DNA2: variants seen among roughly 807,000 people sequenced by gnomAD.
DNA2 encodes DNA replication ATP-dependent helicase/nuclease DNA2.
Under a neutral mutation model 119.1 loss-of-function variants are expected in DNA2, and 101 were observed. That is an observed-to-expected ratio of 0.85 (90% confidence interval 0.72 to 1.00). The LOEUF is 1.00. Ranked by LOEUF, DNA2 falls within the 50% of genes least tolerant of loss-of-function variation. DNA2 has a pLI of 0.00. For missense variants in DNA2, 1,121 were observed against 1,255.5 expected, an observed-to-expected ratio of 0.89 and a Z score of 1.62; for synonymous variants, 366 against 424.4, an observed-to-expected ratio of 0.86 and a Z score of 1.69.
intron 5 of DNA2, among the ~76,000 whole-genome samples, chr10:68,458,533 CAAAAAAGAAAAAAAA>C (rs1333852966): frequency 7.3e-6 from 1 of 137,312 alleles, no homozygotes; most frequent in Non-Finnish European, 1.6e-5. Flanking sequence ...GACTCTGTAT[CAAAAAAGAAAAAAAA>C]AAAAAAGAAG....
intron 18 of DNA2, 141 bp from the exon 19 acceptor site, chr10:68,419,354 A>G (rs2051636018): frequency 3.0e-6 from 2 of 657,762 alleles, no homozygotes; most frequent in South Asian, 4.7e-5. Context: ...GAATACAATT[A>G]CTGAATTTGC....
At chr10:68,447,112 C>A (rs2052050013) in intron 6 of DNA2, among the ~76,000 whole-genome samples, 1 of 151,922 alleles carries the variant, frequency 6.6e-6, no homozygotes, top group South Asian at 2.1e-4. Context: ...CTCATGTAAT[C>A]CATGAACGTA....
chr10:68,465,551 T>A (rs2052317033), intron 4 of DNA2, 116 bp downstream of exon 4: 1 of 810,644 alleles, frequency 1.2e-6, no homozygotes, highest in Non-Finnish European at 1.7e-6. Context: ...AACTATGAAA[T>A]CTGCATTTTA....
At position 68,450,723 on chromosome 10, in the gene DNA2, T is replaced by C. The variant is rs181672690; in HGVS notation, c.720-476A>G. On this transcript the variant is annotated intron_variant, in intron 5 of 20. Transcript: ENST00000358410. ...GAGCCACAATTCCAATCTGAGTATT[T>C]TGATATACAATTATTACGCAAATTA... 5.5e-4 allele frequency among the ~76,000 whole-genome samples: 84 copies of C among 152,332 alleles called. 1 individual carries two copies. The highest frequency in any genetic ancestry group is 2.3e-3 in the South Asian group (11 of 4,830).
At chr10:68,447,975 C>A (rs978629790) in intron 6 of DNA2, among the ~76,000 whole-genome samples, 2 of 81,516 alleles carry the variant, frequency 2.5e-5, no homozygotes, top group Admixed American at 2.9e-4. Flanking sequence ...CAGTGAGACT[C>A]CGTCTCAAAA....
intron 14 of DNA2, among the ~76,000 whole-genome samples, chr10:68,426,700 A>G (rs7087556): frequency 0.25 from 38,151 of 151,006 alleles, 6,324 homozygotes; most frequent in African/African-American, 0.47. Context: ...TTAGCCGGGC[A>G]TGGTGGTGGG....
chr10:68,432,128 T>G, intron 12 of DNA2, 78 bp downstream of exon 12: 2 of 1,186,426 alleles, frequency 1.7e-6, no homozygotes, highest in Non-Finnish European at 2.4e-6. Context: ...GCAAGTCTAA[T>G]CAAGATATTA....
intron 14 of DNA2, among the ~76,000 whole-genome samples, chr10:68,425,346 G>A (rs2051725255): frequency 6.6e-6 from 1 of 151,100 alleles, no homozygotes; most frequent in Non-Finnish European, 1.5e-5. Context: ...CACCCGCCTC[G>A]GTGTTCCAAA....
chr10:68,416,069 T>C (rs2051585537), intron 20 of DNA2, among the ~76,000 whole-genome samples: 1 of 152,022 alleles, frequency 6.6e-6, no homozygotes, highest in East Asian at 1.9e-4. Context: ...TCCCAGATAC[T>C]CAGAAAGGTA....
At chr10:68,417,278 G>A (rs536919715) in intron 19 of DNA2, among the ~76,000 whole-genome samples, 31 of 148,762 alleles carry the variant, frequency 2.1e-4, no homozygotes, top group Non-Finnish European at 2.4e-4. Context: ...TAAGAACTGA[G>A]TAGATGAGGG....
At chr10:68,424,849 T>C in intron 14 of DNA2, 1 of 814,124 alleles carries the variant, frequency 1.2e-6, no homozygotes, top group Non-Finnish European at 2.2e-6. Context: ...ACCGTCCACG[T>C]GGGTACTCAC....
chr10:68,455,132 G>A (rs751516618), intron 5 of DNA2, among the ~76,000 whole-genome samples: 6 of 151,746 alleles, frequency 4.0e-5, no homozygotes, highest in Non-Finnish European at 8.8e-5. Flanking sequence ...TAGAGACGGG[G>A]TTTCACCATC....
intron 3 of DNA2, among the ~76,000 whole-genome samples, chr10:68,466,346 T>C (rs536489011): frequency 2.0e-5 from 3 of 152,314 alleles, no homozygotes; most frequent in East Asian, 1.9e-4. Flanking sequence ...TTTAAAGTAT[T>C]GTTCTCTTAT....
At chr10:68,458,158 A>C (rs2052210010) in intron 5 of DNA2, among the ~76,000 whole-genome samples, 1 of 149,898 alleles carries the variant, frequency 6.7e-6, no homozygotes, top group Non-Finnish European at 1.5e-5. Flanking sequence ...GGGGGACATA[A>C]TGAGACTCCG....
In DNA2 at chr10:68,437,067, C is replaced by G; in HGVS notation, c.1590G>C (p.Leu530Phe). 6.2e-7 allele frequency: 1 copy of G among 1,613,878 alleles called. No individual in the cohort carries two copies. ...VSGEERSLFA[L>F]SRGYVKEINM... ...TAATCTCCTTCACATATCCTCTAGACAAAGCAAACAGTGACCTTTCTTCTC... is the reference window on the plus strand; with the variant it reads ...TAATCTCCTTCACATATCCTCTAGAGAAAGCAAACAGTGACCTTTCTTCTC... The change falls in exon 10 of 21, where the codon TTG (leucine) becomes TTC (phenylalanine). Residue 530 changes from leucine to phenylalanine, a missense_variant. Transcript: ENST00000358410.
chr10:68,456,874 C>T (rs2052189199), intron 5 of DNA2, among the ~76,000 whole-genome samples: 1 of 151,584 alleles, frequency 6.6e-6, no homozygotes, highest in African/African-American at 2.4e-5. Flanking sequence ...GTGGCTCACG[C>T]CTGTAATCCC....
At chr10:68,419,457 T>C (rs1413289770) in intron 18 of DNA2, 4 of 520,918 alleles carry the variant, frequency 7.7e-6, no homozygotes, top group Non-Finnish European at 1.3e-5. Context: ...GATTATATGC[T>C]ACTAAAACAG....
intron 17 of DNA2, 25 bp from the exon 18 acceptor site, chr10:68,419,917 C>T (rs769252457): frequency 2.5e-6 from 4 of 1,587,186 alleles, no homozygotes; most frequent in South Asian, 2.2e-5. Context: ...ATACAGCCTG[C>T]TGATAATACA....
intron 1 of DNA2, among the ~76,000 whole-genome samples, chr10:68,471,327 T>A (rs1757644120): frequency 6.6e-6 from 1 of 152,158 alleles, no homozygotes; most frequent in Non-Finnish European, 1.5e-5. Flanking sequence ...AACGCAAAAG[T>A]CCCTCAACGC....
Sources: gnomAD v4.1 joint callset for allele counts (sites outside exome capture counted in the v4.1 genomes callset) on GRCh38, gnomAD v4.1.1 for gene constraint, MANE v1.5 for transcripts, NCBI Gene and HGNC (gene_info 2026-07-23, HGNC 2026-07-21) for gene names.